C22orf42: variants seen among roughly 807,000 people sequenced by gnomAD.
C22orf42 encodes the protein uncharacterized protein C22orf42.
A neutral mutation model predicts 31.4 loss-of-function variants in C22orf42; 24 were observed. The ratio of observed to expected loss-of-function variants is 0.77; its 90% confidence interval spans 0.55 to 1.08. The LOEUF is 1.08. Among genes scored for constraint, C22orf42 ranks in the 50% least tolerant of loss-of-function variants. C22orf42 has a pLI of 0.00. For synonymous variants in C22orf42, 96 were observed against 112.7 expected, an observed-to-expected ratio of 0.85 and a Z score of 0.94; for missense variants, 276 against 327.3, an observed-to-expected ratio of 0.84 and a Z score of 1.21.
chr22:32,158,445 C>T (rs144202891), intron 1 of C22orf42, among the ~76,000 whole-genome samples: 2,249 of 152,212 alleles, frequency 0.015, 58 homozygotes, highest in African/African-American at 0.051. Flanking sequence ...TGAAGCATGT[C>T]CCCCAATTTT....
Position 32,152,595 on chromosome 22 carries a change from G to A in C22orf42, c.339C>T (p.His113=), listed in dbSNP as rs146441767. Residue 113 remains histidine (H), a synonymous_variant, in exon 3 of 9, where the codon CAC becomes CAT. Transcript: ENST00000382097. The part of the protein sequence containing the change: ...GPTEDVQASA[H]GGVEENMTSD... The stretch of plus-strand genomic sequence containing the variant: ...ATGTCATATTCTCCTCCACACCGCC[G>A]TGTGCAGACGCCTGCACATCTTCAG... 5.9e-3 allele frequency: 9,561 copies of A among 1,613,434 alleles called. 40 individuals are homozygous for A. The highest frequency in any genetic ancestry group is 6.6e-3 in the Non-Finnish European group (7,841 of 1,179,416).
At chr22:32,156,553 C>T (rs1174434724) in intron 1 of C22orf42, among the ~76,000 whole-genome samples, 35 of 133,404 alleles carry the variant, frequency 2.6e-4, no homozygotes, top group Non-Finnish European at 1.6e-5. Flanking sequence ...AATTCCCCAG[C>T]GTTGTTTTTT....
chr22:32,155,137 C>G (rs1038491430), intron 1 of C22orf42, among the ~76,000 whole-genome samples: 2 of 152,118 alleles, frequency 1.3e-5, no homozygotes, highest in African/African-American at 4.8e-5. Context: ...GACAGAGATC[C>G]CAGAACATCT....
At chr22:32,159,591 C>A (rs182145595), upstream of C22orf42, 100 of 637,004 alleles carry the variant, frequency 1.6e-4, no homozygotes, top group Admixed American at 2.2e-3. Context: ...CAATAGAAAA[C>A]CCTGGTTACT....
At chr22:32,154,381 G>C in intron 1 of C22orf42, 63 bp from the exon 2 acceptor site, 1 of 1,560,540 alleles carries the variant, frequency 6.4e-7, no homozygotes, top group Non-Finnish European at 8.7e-7. Context: ...GACAGTGCTT[G>C]ACATGTTGCT....
At chr22:32,154,936 C>A (rs1026048290) in intron 1 of C22orf42, among the ~76,000 whole-genome samples, 2 of 152,208 alleles carry the variant, frequency 1.3e-5, no homozygotes, top group South Asian at 2.1e-4. Flanking sequence ...GGGCATGATG[C>A]TTTCCAGCTC....
intron 8 of C22orf42, 24 bp from the exon 9 acceptor site, chr22:32,149,637 A>G (rs1258930106): frequency 7.2e-7 from 1 of 1,388,800 alleles, no homozygotes; most frequent in Non-Finnish European, 9.4e-7. Flanking sequence ...ACAAGACTTC[A>G]TCTCAAAAAA....
At chr22:32,151,337 T>C (rs1986680317) in intron 5 of C22orf42, 150 bp downstream of exon 5, 3 of 769,060 alleles carry the variant, frequency 3.9e-6, no homozygotes, top group Admixed American at 4.8e-5. Flanking sequence ...CAGGCCTCAG[T>C]TGGTCATAAC....
At chr22:32,152,881 G>A (rs148010426) in intron 2 of C22orf42, among the ~76,000 whole-genome samples, 1,858 of 152,228 alleles carry the variant, frequency 0.012, 50 homozygotes, top group African/African-American at 0.043. Context: ...ATACAGAAAG[G>A]CACTGTATGG....
chr22:32,158,727 C>G (rs1921410987), intron 1 of C22orf42, among the ~76,000 whole-genome samples: 1 of 151,788 alleles, frequency 6.6e-6, no homozygotes, highest in Admixed American at 6.6e-5. Context: ...ATGGGGACTC[C>G]AAAACTGGAG....
intron 1 of C22orf42, among the ~76,000 whole-genome samples, chr22:32,155,763 T>G (rs5998258): frequency 0.029 from 4,418 of 152,294 alleles, 96 homozygotes; most frequent in South Asian, 0.069. Flanking sequence ...CTAGGTGTCC[T>G]GGCACATGGC....
chr22:32,151,435 C>T, intron 5 of C22orf42, 52 bp downstream of exon 5: 1 of 1,535,746 alleles, frequency 6.5e-7, no homozygotes, highest in Non-Finnish European at 9.0e-7. Context: ...ATTCTAGAAG[C>T]CTCAGAAAAA....
At chr22:32,149,717 A>T in intron 8 of C22orf42, 36 bp downstream of exon 8, 1 of 1,179,010 alleles carries the variant, frequency 8.5e-7, no homozygotes, top group East Asian at 3.2e-5. Flanking sequence ...ATATCTACAT[A>T]TATATCTATA....
At chr22:32,151,400 C>A in intron 5 of C22orf42, 87 bp downstream of exon 5, 1 of 1,333,726 alleles carries the variant, frequency 7.5e-7, no homozygotes. Flanking sequence ...ATCATGATGG[C>A]AGTCAAAAAT....
intron 5 of C22orf42, among the ~76,000 whole-genome samples, 164 bp downstream of exon 5, chr22:32,151,323 C>G (rs576192562): frequency 6.6e-6 from 1 of 152,186 alleles, no homozygotes; most frequent in African/African-American, 2.4e-5. Context: ...CGGCCATCGT[C>G]AATCAGGCCT....
chr22:32,149,643 A>G, intron 8 of C22orf42, 30 bp from the exon 9 acceptor site: 1 of 1,255,306 alleles, frequency 8.0e-7, no homozygotes, highest in Non-Finnish European at 1.0e-6. Flanking sequence ...CTTCATCTCA[A>G]AAAAAAAATA....
At chr22:32,159,324 G>A (rs1050981147), upstream of C22orf42, 57 of 1,483,308 alleles carry the variant, frequency 3.8e-5, no homozygotes, top group Admixed American at 1.9e-4. Context: ...GGCCCTGGCC[G>A]TTGCCTAGTA....
At position 32,159,048 on chromosome 22, in the gene C22orf42, C is replaced by G; in HGVS notation, c.168G>C (p.Lys56Asn). The change falls in exon 1 of 9, where the codon AAG becomes AAC. Residue 56 changes from lysine (K) to asparagine (N), a missense_variant. Physicochemically the swap from Lys to Asn is moderately conservative, Grantham distance 94. Coordinates refer to ENST00000382097, the MANE Select transcript of C22orf42 (RefSeq NM_001010859.3). ...AKPAKLDLKA[K>N]KAQLMQYLSL... Reference sequence around the variant, plus strand: ...TGAGGTACTGCATGAGTTGGGCCTTCTTAGCTTTCAAATCCAATTTGGCAG... The same window carrying G: ...TGAGGTACTGCATGAGTTGGGCCTTGTTAGCTTTCAAATCCAATTTGGCAG... The G allele has an allele frequency of 6.2e-7, 1 of 1,614,220 alleles. No individual in the cohort carries two copies. The highest frequency in any genetic ancestry group is 8.5e-7 in the Non-Finnish European group (1 of 1,180,038).
rs750971931 is a variant in C22orf42 at position 32,154,262 on chromosome 22, A to G, written c.289T>C (p.Trp97Arg). ...LKIIWRRHGIWPLENIGPTED... is the reference protein window; with the variant it reads ...LKIIWRRHGIRPLENIGPTED... Reference sequence around the variant, plus strand: ...ACATTACCTATATTTTCTAGAGGCCAAATCCCGTGCCGTCTCCATATTATT... The same window carrying G: ...ACATTACCTATATTTTCTAGAGGCCGAATCCCGTGCCGTCTCCATATTATT... The change falls in exon 2 of 9, where the codon TGG becomes CGG. Residue 97 changes from tryptophan (W) to arginine (R), a missense_variant. Transcript: ENST00000382097. 3 of 1,611,002 alleles carry G rather than the reference A, an allele frequency of 1.9e-6. No homozygotes were observed. The highest frequency in any genetic ancestry group is 1.7e-5 in the Admixed American group (1 of 59,190).
Sources: allele counts gnomAD v4.1 joint callset (sites outside exome capture counted in the v4.1 genomes callset), GRCh38; gene constraint gnomAD v4.1.1; transcripts MANE v1.5; gene names NCBI Gene and HGNC (gene_info 2026-07-23, HGNC 2026-07-21).